The following ECHDC3 variants were observed in gnomAD, a reference collection of about 807,000 sequenced individuals.
ECHDC3 encodes enoyl-CoA hydratase domain-containing protein 3, mitochondrial.
ECHDC3 carries 20 observed loss-of-function variants against 17.9 expected under a neutral mutation model. The observed-to-expected ratio is 1.12, with a 90% CI of 0.79 to 1.63. The LOEUF (loss-of-function observed/expected upper bound fraction) is 1.63. Among genes scored for constraint, ECHDC3 ranks in the 40% most tolerant of loss-of-function variants. The pLI is 0.00. For missense variants in ECHDC3, 407 were observed against 357.7 expected, an observed-to-expected ratio of 1.14 and a Z score of -1.11; for synonymous variants, 177 against 149.7, an observed-to-expected ratio of 1.18 and a Z score of -1.33.
At chr10:11,762,254 G>A (rs778770007) in intron 4 of ECHDC3, among the ~76,000 whole-genome samples, 1 of 152,230 alleles carries the variant, frequency 6.6e-6, no homozygotes, top group Non-Finnish European at 1.5e-5. Context: ...AGACCTCAGT[G>A]ATAGGGGATG....
In ECHDC3 at chr10:11,763,630, A is replaced by G. The variant is rs1219577997; in HGVS notation, c.*86A>G. ...CAGCCACCACTGCCTCTCAGCTTCA[A>G]CAGGTGACAGGCTGCTTTCGTGACT... is the stretch of plus-strand genomic sequence containing the variant. On this transcript the variant is annotated 3_prime_UTR_variant, in exon 5 of 5. Coordinates refer to ENST00000379215, the MANE Select transcript of ECHDC3 (RefSeq NM_024693.5). This position sits in a 1 kb window ranked among gnomAD's most constrained non-coding sequence, Gnocchi z 4.9. 8.4e-6 allele frequency: 12 copies of G among 1,435,478 alleles called. No homozygotes were observed. Among genetic ancestry groups the G allele is most frequent in the South Asian group, 1.5e-5 (1 of 67,260 alleles). 88.9% of individuals were successfully genotyped at this position (1,435,478 alleles called of 1,614,324 possible).
At chr10:11,746,716 A>G (rs1832765120) in intron 1 of ECHDC3, among the ~76,000 whole-genome samples, 1 of 152,148 alleles carries the variant, frequency 6.6e-6, no homozygotes, top group Non-Finnish European at 1.5e-5. Context: ...CAAGCGGATC[A>G]CCTGAGATCA....
chr10:11,745,705 T>C (rs1832751346), intron 1 of ECHDC3, among the ~76,000 whole-genome samples: 2 of 152,072 alleles, frequency 1.3e-5, no homozygotes, highest in South Asian at 4.1e-4. Context: ...TCAAAAAAGA[T>C]TGAGGAAGGT....
rs1490830480 is a variant in ECHDC3 at position 11,758,324 on chromosome 10, C to T, written c.591+2716C>T. On this transcript the variant is annotated intron_variant, in intron 4 of 4. Transcript: ENST00000379215. ...CTGCTCCGTTCCCAGGCAGAGCTGGCCTTGCTCAGACCCTGAGCCAGTGCC... is the reference window on the plus strand; with the variant it reads ...CTGCTCCGTTCCCAGGCAGAGCTGGTCTTGCTCAGACCCTGAGCCAGTGCC... 2.6e-5 allele frequency among the ~76,000 whole-genome samples: 4 copies of T among 152,338 alleles called. No homozygotes were observed. The South Asian group carries it at 6.2e-4, about 24-fold the overall frequency.
At chr10:11,753,346 G>T (rs552261092) in intron 3 of ECHDC3, among the ~76,000 whole-genome samples, 4 of 152,118 alleles carry the variant, frequency 2.6e-5, no homozygotes, top group African/African-American at 9.7e-5. Context: ...TTGTGCCACC[G>T]CACTCCAGCT....
rs1212975277 is a variant in ECHDC3, at chr10:11,753,000, A to G, written c.391-2408A>G. 2.6e-5 allele frequency among the ~76,000 whole-genome samples: 4 copies of G among 152,238 alleles called. No individual in the cohort carries two copies. The East Asian group carries it at 7.7e-4, about 29-fold the overall frequency. On this transcript the variant is annotated intron_variant, in intron 3 of 4. Coordinates refer to ENST00000379215, the MANE Select transcript of ECHDC3 (RefSeq NM_024693.5). ...TATAGTTTGTTACTATTACAAAATA[A>G]TGATTTGGTGAGCATCTTTGGCATA...
intron 4 of ECHDC3, among the ~76,000 whole-genome samples, chr10:11,759,223 G>T (rs541676267): frequency 6.6e-6 from 1 of 151,958 alleles, no homozygotes; most frequent in Admixed American, 6.6e-5. Context: ...GTATGGTGGC[G>T]CATGCCTGTA....
intron 4 of ECHDC3, among the ~76,000 whole-genome samples, chr10:11,756,916 G>A (rs983980806): frequency 2.0e-5 from 3 of 152,190 alleles, no homozygotes; most frequent in Admixed American, 6.5e-5. Context: ...TGTATTTTTC[G>A]TAGAGATGGG....
Position 11,764,018 on chromosome 10 carries a change from C to G in ECHDC3, c.*474C>G, listed in dbSNP as rs921185638. On this transcript the variant is annotated 3_prime_UTR_variant, in exon 5 of 5. Transcript: ENST00000379215. ...TGATTCTATAGAGACTTAATCATGC[C>G]TATGGCTTTGAATAATCTTATGTGA... 1 of 907,002 alleles carries G rather than the reference C, an allele frequency of 1.1e-6. No individual in the cohort carries two copies. Among genetic ancestry groups the G allele is most frequent in the African/African-American group, 1.8e-5 (1 of 55,696 alleles). The allele number at this position is 907,002 out of a possible 1,614,324, so 56.2% of individuals were successfully genotyped here. A position where few individuals can be genotyped will look rare whatever the true frequency, so the allele number is the denominator to read the frequency against.
chr10:11,756,927 G>T (rs947016872), intron 4 of ECHDC3, among the ~76,000 whole-genome samples: 1 of 152,128 alleles, frequency 6.6e-6, no homozygotes, highest in Non-Finnish European at 1.5e-5. Context: ...TAGAGATGGG[G>T]TTTCACCCTG....
rs1254339771 is a variant in ECHDC3 at position 11,763,348 on chromosome 10, A to T, written c.716A>T (p.Lys239Met). ...GAGGAGACCATGCGGATCGCTAGGA[A>T]GATCGCATCGCTGAGCCGTCCGGTG... The part of the protein sequence containing the change: ...LQEETMRIAR[K>M]IASLSRPVVS... The change falls in exon 5 of 5, where the codon AAG becomes ATG. Residue 239 changes from lysine to methionine, a missense_variant. By Grantham distance (95) the Lys-to-Met change is moderately conservative (BLOSUM62 -1). Coordinates refer to ENST00000379215, the MANE Select transcript of ECHDC3 (RefSeq NM_024693.5). This position sits in a 1 kb window ranked among gnomAD's most constrained non-coding sequence, Gnocchi z 4.9. 1.3e-6 allele frequency: 1 copy of T among 780,050 alleles called. No individual in the cohort carries two copies. Among genetic ancestry groups the T allele is most frequent in the Admixed American group, 1.7e-5 (1 of 59,038 alleles). 48.3% of individuals were successfully genotyped at this position (780,050 alleles called of 1,614,324 possible). A position where few individuals can be genotyped will look rare whatever the true frequency, so the allele number is the denominator to read the frequency against.
chr10:11,744,378 G>C lies in ECHDC3; in HGVS notation c.170+1632G>C, dbSNP rs138391126. On this transcript the variant is annotated intron_variant, in intron 1 of 4. Coordinates refer to ENST00000379215, the MANE Select transcript of ECHDC3 (RefSeq NM_024693.5). ...TCCACTGCATTCGGTGGAATTGGCT[G>C]TGAAAAAATAGAAATGCTATTTTTT... Among the ~76,000 whole-genome samples the C allele has an allele frequency of 4.8e-3, 725 of 152,320 alleles. 2 individuals carry two copies. Among genetic ancestry groups the C allele is most frequent in the Middle Eastern group, 0.034 (10 of 294 alleles).
intron 1 of ECHDC3, chr10:11,747,144 C>A: frequency 4.0e-6 from 2 of 497,758 alleles, no homozygotes; most frequent in South Asian, 2.6e-5. Context: ...GGGAGGAAAC[C>A]CAGCCTGCAT....
Position 11,755,426 on chromosome 10 carries a change from A to C in ECHDC3, c.409A>C (p.Asn137His). The C allele has an allele frequency of 6.2e-7, 1 of 1,612,698 alleles. No individual in the cohort carries two copies. The highest frequency in any genetic ancestry group is 8.5e-7 in the Non-Finnish European group (1 of 1,178,984). The change falls in exon 4 of 5, where the codon AAC becomes CAC. Residue 137 changes from asparagine to histidine, a missense_variant. Transcript: ENST00000379215. ...TCSKVMMHIR[N>H]HPVPVIAMVN... ...CCCGCAGGTCATGATGCACATCCGG[A>C]ACCACCCCGTTCCCGTCATTGCCAT...
At position 11,742,432 on chromosome 10, in the gene ECHDC3, T is replaced by C; in HGVS notation, c.-145T>C. ...GGCGTCCCCGCGAAGCCTGGGCCTG[T>C]CAGGCGGTTCCGTCCGGGTCTCGGC... On this transcript the variant is annotated 5_prime_UTR_variant, in exon 1 of 5. Coordinates refer to ENST00000379215, the MANE Select transcript of ECHDC3 (RefSeq NM_024693.5). The C allele has an allele frequency of 1.3e-6, 1 of 772,306 alleles. No homozygotes were observed. Among genetic ancestry groups the C allele is most frequent in the Non-Finnish European group, 1.7e-6 (1 of 581,460 alleles). The allele number at this position is 772,306 out of a possible 1,614,324, so 47.8% of individuals were successfully genotyped here. A position where few individuals can be genotyped will look rare whatever the true frequency, so the allele number is the denominator to read the frequency against.
rs556308293 is a variant in ECHDC3, at chr10:11,763,622, C to T, written c.*78C>T. The T allele has an allele frequency of 1.9e-5, 28 of 1,436,328 alleles. No homozygotes were observed. The highest frequency in any genetic ancestry group is 1.0e-4 in the South Asian group (7 of 67,334). The allele number at this position is 1,436,328 out of a possible 1,614,324, so 89.0% of individuals were successfully genotyped here. On this transcript the variant is annotated 3_prime_UTR_variant, in exon 5 of 5. Coordinates refer to ENST00000379215, the MANE Select transcript of ECHDC3 (RefSeq NM_024693.5). The surrounding 1 kb of genome is among the most constrained non-coding windows in gnomAD (Gnocchi z 4.9). The stretch of plus-strand genomic sequence containing the variant: ...CTCTGGCCCAGCCACCACTGCCTCT[C>T]AGCTTCAACAGGTGACAGGCTGCTT...
intron 1 of ECHDC3, among the ~76,000 whole-genome samples, chr10:11,743,259 G>A (rs1157051537): frequency 2.0e-5 from 3 of 152,208 alleles, no homozygotes; most frequent in South Asian, 2.1e-4. Context: ...GGCCTGAGCC[G>A]GGTGCTTGCC....
intron 3 of ECHDC3, among the ~76,000 whole-genome samples, chr10:11,755,187 G>A (rs60806452): frequency 0.028 from 4,310 of 152,154 alleles, 119 homozygotes; most frequent in East Asian, 0.14. Flanking sequence ...TTAGCTGGGC[G>A]TGGTAGCCCA....
At chr10:11,749,285 T>TA (rs1832797362) in intron 2 of ECHDC3, among the ~76,000 whole-genome samples, 2 of 152,212 alleles carry the variant, frequency 1.3e-5, no homozygotes, top group Admixed American at 1.3e-4. Context: ...CGGAGGCACC[T>TA]AAAAAATGCC....
Sources: allele counts gnomAD v4.1 joint callset (sites outside exome capture counted in the v4.1 genomes callset), GRCh38; gene constraint gnomAD v4.1.1; non-coding constraint Gnocchi (gnomAD v3.1); transcripts MANE v1.5; gene names NCBI Gene and HGNC (gene_info 2026-07-23, HGNC 2026-07-21).